Variants in MTR observed in about 807,000 individuals in gnomAD.
MTR encodes methionine synthase.
Under a neutral mutation model 154.8 loss-of-function variants are expected in MTR, and 84 were observed. The observed-to-expected ratio is 0.54, with a 90% confidence interval of 0.45 to 0.65. The LOEUF (loss-of-function observed/expected upper bound fraction) is 0.65. Ranked by LOEUF, MTR falls within the 30% of genes least tolerant of loss-of-function variation. MTR has a pLI of 0.00. For synonymous variants in MTR, 554 were observed against 553.9 expected, an observed-to-expected ratio of 1.00 and a Z score of 0.00; for missense variants, 1,275 against 1,570.2, an observed-to-expected ratio of 0.81 and a Z score of 3.18.
intron 24 of MTR, among the ~76,000 whole-genome samples, chr1:236,875,192 A>G (rs1456944305): frequency 1.3e-5 from 2 of 152,200 alleles, no homozygotes; most frequent in Admixed American, 1.3e-4. Flanking sequence ...GTTTTTTGGC[A>G]CAAAATCATT....
chr1:236,871,933 C>G (rs531581500), intron 22 of MTR, among the ~76,000 whole-genome samples: 1 of 152,042 alleles, frequency 6.6e-6, no homozygotes, highest in African/African-American at 2.4e-5. Context: ...CCTTCCTGCC[C>G]CAGCGTTCAG....
Position 236,894,441 on chromosome 1 carries a change from C to A in MTR, c.3289C>A (p.Leu1097Met). The A allele has an allele frequency of 1.2e-6, 2 of 1,614,206 alleles. No homozygotes were observed. The highest frequency in any genetic ancestry group is 1.7e-6 in the Non-Finnish European group (2 of 1,180,046). ...CTTGCATTCTGGCATCCGTGACTAC[C>A]TGGGCCTGTTTGCCGTTGCCTGCTT... is the stretch of plus-strand genomic sequence containing the variant. ...APLHSGIRDYLGLFAVACFGV... is the reference protein window; with the variant it reads ...APLHSGIRDYMGLFAVACFGV... Residue 1097 changes from leucine (L) to methionine (M), a missense_variant, in exon 30 of 33, where the codon CTG becomes ATG. Physicochemically the swap from Leu to Met is conservative, Grantham distance 15. Coordinates refer to ENST00000366577, the MANE Select transcript of MTR (RefSeq NM_000254.3).
rs186566106 is a variant in MTR at position 236,884,697 on chromosome 1, A to T, written c.2677-424A>T. 1.9e-4 allele frequency among the ~76,000 whole-genome samples: 29 copies of T among 152,296 alleles called. No individual in the cohort carries two copies. The South Asian group carries it at 4.6e-3, about 24-fold the overall frequency. ...TGGGTTTTTATTGGGGGTTGGTCAC[A>T]TAGGCCCAGAATGCCCATGTGTCTA... On this transcript the variant is annotated intron_variant, in intron 25 of 32. Transcript: ENST00000366577.
chr1:236,805,588 G>A (rs1660936414), intron 2 of MTR, among the ~76,000 whole-genome samples: 1 of 152,056 alleles, frequency 6.6e-6, no homozygotes, highest in African/African-American at 2.4e-5. Flanking sequence ...TGAACCTCTG[G>A]GCCCAAGCAG....
At chr1:236,803,342 A>G in intron 1 of MTR, 86 bp from the exon 2 acceptor site, 1 of 1,258,106 alleles carries the variant, frequency 7.9e-7, no homozygotes, top group Non-Finnish European at 1.1e-6. Context: ...CTTATTGGAG[A>G]TTATTATAAA....
rs1333957023 is a variant in MTR at position 236,812,817 on chromosome 1, A to G, written c.582A>G (p.Glu194=). The G allele has an allele frequency of 1.2e-6, 2 of 1,614,094 alleles. No homozygotes were observed. Among genetic ancestry groups the G allele is most frequent in the Non-Finnish European group, 1.7e-6 (2 of 1,179,974 alleles). ...LDGGVDILLI[E]TIFDTANAKA... ...GCGGGGTTGATATCTTACTCATTGA[A>G]ACTATTTTTGATACTGCCAATGCCA... The change falls in exon 6 of 33, where the codon GAA becomes GAG. Residue 194 remains glutamate, a synonymous_variant. Transcript: ENST00000366577.
At chr1:236,875,905 C>T (rs556790613) in intron 24 of MTR, among the ~76,000 whole-genome samples, 1 of 152,214 alleles carries the variant, frequency 6.6e-6, no homozygotes, top group South Asian at 2.1e-4. Flanking sequence ...CTGAAATCTG[C>T]AGGCTGGAGA....
chr1:236,817,343 T>A (rs1280372242), intron 8 of MTR, among the ~76,000 whole-genome samples: 1 of 152,058 alleles, frequency 6.6e-6, no homozygotes, highest in Non-Finnish European at 1.5e-5. Flanking sequence ...TCTGCTGACT[T>A]CTTCTTAGCC....
chr1:236,866,755 T>A (rs1012170063), intron 22 of MTR, among the ~76,000 whole-genome samples: 3 of 152,146 alleles, frequency 2.0e-5, no homozygotes, highest in African/African-American at 7.2e-5. Flanking sequence ...ATGAGGAAAG[T>A]TTGAGTGGTC....
chr1:236,812,457 A>G (rs1242328354), intron 5 of MTR, among the ~76,000 whole-genome samples: 1 of 152,218 alleles, frequency 6.6e-6, no homozygotes, highest in East Asian at 1.9e-4. Flanking sequence ...TGGGGGGTAC[A>G]TGTTCAAGAA....
intron 29 of MTR, among the ~76,000 whole-genome samples, chr1:236,893,385 C>G (rs1256048111): frequency 6.6e-6 from 1 of 152,150 alleles, no homozygotes; most frequent in African/African-American, 2.4e-5. Context: ...ATTAATTGAT[C>G]AGTCCTGAGC....
chr1:236,895,109 TA>T, intron 30 of MTR: 1 of 545,392 alleles, frequency 1.8e-6, no homozygotes, highest in Non-Finnish European at 3.3e-6. Flanking sequence ...TTTTAAGGTC[TA>T]AAATCTTTAG....
rs1666661791 is a variant in MTR at position 236,896,999 on chromosome 1, C to CCT, written c.3599-4_3599-3dup. 6.2e-7 allele frequency: 1 copy of CCT among 1,606,444 alleles called. No homozygotes were observed. Among genetic ancestry groups the CCT allele is most frequent in the Non-Finnish European group, 8.5e-7 (1 of 1,173,148 alleles). The stretch of plus-strand genomic sequence containing the variant: ...CATAAGCATTTTCCCTGTGTTGCTC[C>CCT]CTCTAGGCATTAGGTTAACAGAATC... On this transcript the variant is annotated splice_region_variant and splice_polypyrimidine_tract_variant and intron_variant, in intron 31 of 32. Transcript: ENST00000366577.
intron 1 of MTR, among the ~76,000 whole-genome samples, chr1:236,797,531 T>C (rs1558266449): frequency 6.6e-6 from 1 of 152,188 alleles, no homozygotes; most frequent in African/African-American, 2.4e-5. Flanking sequence ...AGTGAATTGG[T>C]ATCAATTGAT....
intron 25 of MTR, among the ~76,000 whole-genome samples, chr1:236,882,459 C>T (rs1366428807): frequency 2.7e-5 from 4 of 150,624 alleles, no homozygotes; most frequent in African/African-American, 9.8e-5. Flanking sequence ...GGCTCGATCT[C>T]GGCTTACTGC....
intron 20 of MTR, among the ~76,000 whole-genome samples, 167 bp from the exon 21 acceptor site, chr1:236,862,068 TC>T (rs1379916989): frequency 6.6e-6 from 1 of 152,228 alleles, no homozygotes; most frequent in African/African-American, 2.4e-5. Flanking sequence ...TCACTGGCTT[TC>T]CCTCTGGGGA....
chr1:236,838,645 A>C, intron 15 of MTR, 46 bp downstream of exon 15: 1 of 1,609,038 alleles, frequency 6.2e-7, no homozygotes, highest in Non-Finnish European at 8.5e-7. Flanking sequence ...CCCAGGTTAG[A>C]TAGTGGTGGG....
intron 8 of MTR, among the ~76,000 whole-genome samples, chr1:236,822,533 C>A (rs1213752331): frequency 2.0e-5 from 3 of 152,068 alleles, no homozygotes; most frequent in Non-Finnish European, 4.4e-5. Flanking sequence ...TGGTCTCAAA[C>A]TCCTGGGCTC....
rs540778272 is a variant in MTR at position 236,799,429 on chromosome 1, A to G, written c.34+3692A>G. Among the ~76,000 whole-genome samples the G allele has an allele frequency of 6.6e-5, 10 of 152,266 alleles. No individual in the cohort carries two copies. In the South Asian group the frequency reaches 2.1e-3, roughly 32 times the overall value. On this transcript the variant is annotated intron_variant, in intron 1 of 32. Coordinates refer to ENST00000366577, the MANE Select transcript of MTR (RefSeq NM_000254.3). ...TGAACCACCACACCCAGCCCAAGTAATGGATTTTTAAGGGCCTCAGTTGCA... is the reference window on the plus strand; with the variant it reads ...TGAACCACCACACCCAGCCCAAGTAGTGGATTTTTAAGGGCCTCAGTTGCA...
Sources: allele counts gnomAD v4.1 joint callset (sites outside exome capture counted in the v4.1 genomes callset), GRCh38; gene constraint gnomAD v4.1.1; transcripts MANE v1.5; gene names NCBI Gene and HGNC (gene_info 2026-07-23, HGNC 2026-07-21).